The following GAB2 variants were observed in gnomAD, a reference collection of about 807,000 sequenced individuals.
The protein encoded by GAB2 is GRB2 associated binding protein 2, also known as GRB2-associated-binding protein 2.
In GAB2, 26 loss-of-function variants were observed where a neutral mutation model predicts 65.5. That is an observed-to-expected ratio of 0.40 (90% CI 0.29 to 0.55). The LOEUF (loss-of-function observed/expected upper bound fraction) is 0.55, where lower values mean the gene tolerates loss of function less well. Among genes scored for constraint, GAB2 ranks in the 20% least tolerant of loss-of-function variants. GAB2 has a pLI of 0.53. For missense variants in GAB2, 884 were observed against 875.8 expected, an observed-to-expected ratio of 1.01 and a Z score of -0.12; for synonymous variants, 321 against 329.6, an observed-to-expected ratio of 0.97 and a Z score of 0.28.
At chr11:78,320,376 A>G (rs1048812380) in intron 1 of GAB2, among the ~76,000 whole-genome samples, 1 of 152,074 alleles carries the variant, frequency 6.6e-6, no homozygotes, top group African/African-American at 2.4e-5. Context: ...CAATATTATG[A>G]TCAAGGAAAA....
At chr11:78,284,362 G>A (rs181232155) in intron 1 of GAB2, among the ~76,000 whole-genome samples, 268 of 152,308 alleles carry the variant, frequency 1.8e-3, no homozygotes, top group African/African-American at 6.2e-3. Context: ...ATCAGAAGAT[G>A]CCACTTCTCC....
chr11:78,365,358 T>A (rs1856483235), intron 1 of GAB2, among the ~76,000 whole-genome samples: 1 of 152,124 alleles, frequency 6.6e-6, no homozygotes, highest in Non-Finnish European at 1.5e-5. Flanking sequence ...CTTTTCTTTA[T>A]CAGAAACTCC....
intron 3 of GAB2, among the ~76,000 whole-genome samples, chr11:78,238,076 GT>G (rs1865029249): frequency 6.6e-6 from 1 of 152,154 alleles, no homozygotes; most frequent in South Asian, 2.1e-4. Flanking sequence ...GCTAATGCAT[GT>G]TGGGCTTAAT....
At chr11:78,324,710 A>G (rs1337154367) in intron 1 of GAB2, 1 of 152,232 alleles carries the variant, frequency 6.6e-6, no homozygotes, top group Non-Finnish European at 1.5e-5. Flanking sequence ...CATTTTCCAG[A>G]TAGTGTAGCT....
intron 3 of GAB2, among the ~76,000 whole-genome samples, chr11:78,242,783 C>G (rs1363482798): frequency 6.6e-6 from 1 of 152,044 alleles, no homozygotes; most frequent in Non-Finnish European, 1.5e-5. Flanking sequence ...AACTGATCAA[C>G]AAAATGAAGT....
intron 1 of GAB2, among the ~76,000 whole-genome samples, chr11:78,357,824 G>A (rs1023779933): frequency 6.6e-6 from 1 of 152,162 alleles, no homozygotes; most frequent in African/African-American, 2.4e-5. Context: ...TGGAGAAATA[G>A]GAACACTTTT....
Position 78,389,399 on chromosome 11 carries a change from C to T in GAB2, c.75+28247G>A, listed in dbSNP as rs542268467. 1.3e-3 allele frequency among the ~76,000 whole-genome samples: 205 copies of T among 152,090 alleles called. 2 individuals carry two copies. Among genetic ancestry groups the T allele is most frequent in the African/African-American group, 4.2e-3 (174 of 41,492 alleles). Reference sequence around the variant, plus strand: ...TCGGCTCACTGCAACCTCCGCCTCCCGGGTTGATGTGATTCTTTTGCCTCA... The same window carrying T: ...TCGGCTCACTGCAACCTCCGCCTCCTGGGTTGATGTGATTCTTTTGCCTCA... On this transcript the variant is annotated intron_variant, in intron 1 of 9. Coordinates refer to ENST00000361507, the MANE Select transcript of GAB2 (RefSeq NM_080491.3).
intron 1 of GAB2, among the ~76,000 whole-genome samples, chr11:78,323,835 T>C (rs1855773844): frequency 2.1e-5 from 3 of 143,770 alleles, no homozygotes; most frequent in African/African-American, 7.8e-5. Flanking sequence ...CCTGGCTCTG[T>C]TGCCCAGGCT....
chr11:78,384,257 G>A (rs1280659545), intron 1 of GAB2, among the ~76,000 whole-genome samples: 3 of 152,182 alleles, frequency 2.0e-5, no homozygotes, highest in Non-Finnish European at 4.4e-5. Context: ...TCTCATATGG[G>A]AGCTATGTGG....
chr11:78,274,810 C>T (rs1283165946), intron 2 of GAB2, among the ~76,000 whole-genome samples: 1 of 152,114 alleles, frequency 6.6e-6, no homozygotes, highest in Non-Finnish European at 1.5e-5. Flanking sequence ...GCATAGTGTC[C>T]AAAGGGGCAA....
Position 78,408,241 on chromosome 11 carries a change from A to AT in GAB2, c.75+9404dup, listed in dbSNP as rs541067846. Among the ~76,000 whole-genome samples the AT allele has an allele frequency of 1.7e-3, 252 of 152,286 alleles. 1 individual carries two copies. Among genetic ancestry groups the AT allele is most frequent in the Non-Finnish European group, 3.1e-3 (214 of 68,016 alleles). On this transcript the variant is annotated intron_variant, in intron 1 of 9. Coordinates refer to ENST00000361507, the MANE Select transcript of GAB2 (RefSeq NM_080491.3). ...TATTTAAGACAATTATATATGGAGG[A>AT]TGGCAAAAGGACATAAAGGGAGGTA...
intron 2 of GAB2, among the ~76,000 whole-genome samples, chr11:78,265,866 G>T (rs893604311): frequency 2.0e-5 from 3 of 152,110 alleles, no homozygotes; most frequent in African/African-American, 4.8e-5. Flanking sequence ...AAATAAGTCA[G>T]AATTTTTAAA....
intron 1 of GAB2, among the ~76,000 whole-genome samples, chr11:78,295,397 CA>C (rs1554984784): frequency 6.6e-6 from 1 of 152,168 alleles, no homozygotes; most frequent in Non-Finnish European, 1.5e-5. Context: ...GAGCCCTGAT[CA>C]TATTCATTAT....
intron 1 of GAB2, among the ~76,000 whole-genome samples, chr11:78,322,560 G>A (rs1855746601): frequency 6.6e-6 from 1 of 151,776 alleles, no homozygotes; most frequent in African/African-American, 2.4e-5. Context: ...CTATGCATCT[G>A]ACAAAGGACT....
chr11:78,325,231 C>A (rs564782228), intron 1 of GAB2, among the ~76,000 whole-genome samples: 24 of 152,136 alleles, frequency 1.6e-4, no homozygotes, highest in Non-Finnish European at 2.6e-4. Context: ...TTGTAGTTAT[C>A]CACCACAAAG....
chr11:78,341,508 C>CAA (rs2134691641), intron 1 of GAB2, among the ~76,000 whole-genome samples: 2 of 152,228 alleles, frequency 1.3e-5, no homozygotes, highest in African/African-American at 4.8e-5. Context: ...AATATGTCAT[C>CAA]AAATTGAGAT....
chr11:78,322,298 C>CAAAAAAAAAAAAAAA (rs56709163), intron 1 of GAB2, among the ~76,000 whole-genome samples: 9 of 12,076 alleles, frequency 7.5e-4, no homozygotes, highest in Admixed American at 2.0e-3. Flanking sequence ...GACTCTGTCT[C>CAAAAAAAAAAAAAAA]AAAAAAAAAA....
In GAB2 at chr11:78,282,436, G is replaced by A. The variant is rs575013841; in HGVS notation, c.76-1535C>T. Among the ~76,000 whole-genome samples, 10 of 151,982 alleles carry A rather than the reference G, an allele frequency of 6.6e-5. No individual in the cohort carries two copies. The South Asian group carries it at 2.1e-3, about 32-fold the overall frequency. On this transcript the variant is annotated intron_variant, in intron 1 of 9. Coordinates refer to ENST00000361507, the MANE Select transcript of GAB2 (RefSeq NM_080491.3). ...GATTTATCCTGCCTCAGCCTACGGA[G>A]TAGCTGGGATTACAGATGCCCACCA...
At chr11:78,410,570 G>A (rs911783541) in intron 1 of GAB2, among the ~76,000 whole-genome samples, 9 of 152,100 alleles carry the variant, frequency 5.9e-5, no homozygotes, top group African/African-American at 2.2e-4. Context: ...AAAAAATAAA[G>A]CAGTGGACCC....
Sources: gnomAD v4.1 joint callset for allele counts (sites outside exome capture counted in the v4.1 genomes callset) on GRCh38, gnomAD v4.1.1 for gene constraint, MANE v1.5 for transcripts, NCBI Gene and HGNC (gene_info 2026-07-23, HGNC 2026-07-21) for gene names.